GRM7: variants seen among roughly 807,000 people sequenced by gnomAD.
GRM7 encodes glutamate metabotropic receptor 7.
Under a neutral mutation model 84.5 loss-of-function variants are expected in GRM7, and 35 were observed. The ratio of observed to expected loss-of-function variants is 0.41; its 90% CI spans 0.32 to 0.55. The LOEUF is 0.55. Among genes scored for constraint, GRM7 ranks in the 20% least tolerant of loss-of-function variants. The probability of loss-of-function intolerance (pLI) is 0.19; values close to 1 mark genes in which losing one functional copy is unlikely to be tolerated. For synonymous variants in GRM7, 487 were observed against 455.1 expected (o/e 1.07, Z -0.89); for missense variants, 1,003 against 1,194.6 (o/e 0.84, Z 2.36).
At chr3:7,187,839 T>C (rs1184893624) in intron 2 of GRM7, among the ~76,000 whole-genome samples, 1 of 152,150 alleles carries the variant, frequency 6.6e-6, no homozygotes, top group Admixed American at 6.5e-5. Context: ...GTAATCTTCT[T>C]CCTTCCCAGC....
intron 1 of GRM7, among the ~76,000 whole-genome samples, chr3:6,936,050 G>A (rs1048781857): frequency 6.6e-6 from 1 of 152,060 alleles, no homozygotes; most frequent in African/African-American, 2.4e-5. Flanking sequence ...AAGTCTCCCA[G>A]AGGCCTCTCC....
At chr3:7,353,971 C>T (rs953170974) in intron 4 of GRM7, among the ~76,000 whole-genome samples, 28 of 152,080 alleles carry the variant, frequency 1.8e-4, no homozygotes, top group African/African-American at 6.0e-4. Flanking sequence ...ATTTCTTGAT[C>T]TGTATACACA....
intron 1 of GRM7, among the ~76,000 whole-genome samples, chr3:7,098,168 A>G (rs1045956659): frequency 1.3e-5 from 2 of 152,008 alleles, no homozygotes; most frequent in Admixed American, 1.3e-4. Context: ...TGATCATTCA[A>G]CTTTGTGTGT....
chr3:7,464,308 G>A lies in GRM7; in HGVS notation c.1515+2586G>A, dbSNP rs540698167. Among the ~76,000 whole-genome samples the A allele has an allele frequency of 6.8e-4, 104 of 152,226 alleles. 2 individuals are homozygous for A. The highest frequency in any genetic ancestry group is 2.4e-3 in the African/African-American group (98 of 41,542). On this transcript the variant is annotated intron_variant, in intron 7 of 9. Coordinates refer to ENST00000357716, the MANE Select transcript of GRM7 (RefSeq NM_000844.4). The stretch of plus-strand genomic sequence containing the variant: ...AACACATGAGATGAGGGAGGCAGCT[G>A]GGAGTAGAAGGGAGAAAATCAAGAA...
intron 2 of GRM7, among the ~76,000 whole-genome samples, chr3:7,211,699 G>T (rs529703018): frequency 6.8e-6 from 1 of 147,524 alleles, no homozygotes; most frequent in South Asian, 2.1e-4. Context: ...TCTTTGTTGC[G>T]GATGTCAACA....
chr3:7,027,215 G>A (rs978212141), intron 1 of GRM7, among the ~76,000 whole-genome samples: 1 of 152,138 alleles, frequency 6.6e-6, no homozygotes, highest in Non-Finnish European at 1.5e-5. Context: ...GTTAGCTGAT[G>A]CTAGGGACCA....
chr3:7,183,298 T>G (rs1695405240), intron 2 of GRM7, among the ~76,000 whole-genome samples: 1 of 152,210 alleles, frequency 6.6e-6, no homozygotes, highest in African/African-American at 2.4e-5. Flanking sequence ...AACTCATGCC[T>G]TTAGCATTTG....
chr3:7,588,531 C>G (rs1695625857), intron 8 of GRM7, among the ~76,000 whole-genome samples: 1 of 152,070 alleles, frequency 6.6e-6, no homozygotes, highest in African/African-American at 2.4e-5. Context: ...GTGGAATATC[C>G]CAACTCAACA....
intron 2 of GRM7, among the ~76,000 whole-genome samples, chr3:7,271,889 T>G (rs1698878820): frequency 6.6e-6 from 1 of 152,206 alleles, no homozygotes; most frequent in Non-Finnish European, 1.5e-5. Flanking sequence ...AACTGCTTAG[T>G]GTGCCCTTTC....
chr3:7,649,679 CAGGGGATTTATTGATATTT>C (rs1315438311), intron 8 of GRM7, among the ~76,000 whole-genome samples: 1 of 152,044 alleles, frequency 6.6e-6, no homozygotes, highest in Non-Finnish European at 1.5e-5. Context: ...TGTCTTTCGG[CAGGGGATTTATTGATATTT>C]AGGTAAAGAA....
chr3:7,378,527 C>G (rs934814829), intron 4 of GRM7, among the ~76,000 whole-genome samples: 1 of 152,140 alleles, frequency 6.6e-6, no homozygotes. Context: ...TCAGATGGAG[C>G]AACTACTAAG....
At chr3:7,345,016 T>C (rs182695329) in intron 4 of GRM7, among the ~76,000 whole-genome samples, 2 of 152,168 alleles carry the variant, frequency 1.3e-5, no homozygotes, top group Admixed American at 6.6e-5. Context: ...TGTATTAAAG[T>C]AGCATGCTGT....
At chr3:7,061,181 A>C (rs1350562095) in intron 1 of GRM7, among the ~76,000 whole-genome samples, 1 of 151,820 alleles carries the variant, frequency 6.6e-6, no homozygotes, top group African/African-American at 2.4e-5. Context: ...CTGTTCATAC[A>C]ATTCAGCATA....
At chr3:7,698,746 C>T (rs73123718) in intron 9 of GRM7, among the ~76,000 whole-genome samples, 1 of 152,144 alleles carries the variant, frequency 6.6e-6, no homozygotes, top group Non-Finnish European at 1.5e-5. Flanking sequence ...TCAAAGACAT[C>T]GCCAGAAATT....
intron 5 of GRM7, among the ~76,000 whole-genome samples, chr3:7,419,807 T>C (rs1268336385): frequency 6.6e-6 from 1 of 152,200 alleles, no homozygotes; most frequent in Admixed American, 6.5e-5. Flanking sequence ...TTCAGAGATT[T>C]GTTTTTCTTT....
Position 7,671,255 on chromosome 3 carries a change from G to A in GRM7, c.2452-8794G>A, listed in dbSNP as rs1191321901. ...CTTTCCTGGAAGACTTGGCCACCAA[G>A]ACGGTCTGCAGCTTATTAGGATGGC... is the stretch of plus-strand genomic sequence containing the variant. On this transcript the variant is annotated intron_variant, in intron 8 of 9. Transcript: ENST00000357716. Among the ~76,000 whole-genome samples, 10 of 152,228 alleles carry A rather than the reference G, an allele frequency of 6.6e-5. No homozygotes were observed. The East Asian group carries it at 1.9e-3, about 29-fold the overall frequency.
At chr3:6,974,247 G>GT (rs1216337620) in intron 1 of GRM7, among the ~76,000 whole-genome samples, 4 of 152,112 alleles carry the variant, frequency 2.6e-5, no homozygotes, top group Non-Finnish European at 4.4e-5. Context: ...GCCAGTGGGG[G>GT]TAGCAACTGG....
intron 2 of GRM7, among the ~76,000 whole-genome samples, chr3:7,294,573 A>C (rs1374887657): frequency 1.1e-5 from 1 of 94,378 alleles, no homozygotes. Flanking sequence ...CTAAAAAAAA[A>C]AAAGAAAAAT....
chr3:7,691,077 C>T (rs971097758), intron 9 of GRM7: 3 of 447,266 alleles, frequency 6.7e-6, no homozygotes, highest in African/African-American at 6.1e-5. Context: ...TTGGATTACA[C>T]TTTAAATTAA....
Sources: gnomAD v4.1 joint callset for allele counts (sites outside exome capture counted in the v4.1 genomes callset) on GRCh38, gnomAD v4.1.1 for gene constraint, MANE v1.5 for transcripts, NCBI Gene and HGNC (gene_info 2026-07-23, HGNC 2026-07-21) for gene names.